Variants in ADAMTS10 observed in about 807,000 individuals in gnomAD.
ADAMTS10 encodes the protein ADAM metallopeptidase with thrombospondin type 1 motif 10.
Under a neutral mutation model 135.9 loss-of-function variants are expected in ADAMTS10, and 48 were observed. That is an observed-to-expected ratio of 0.35 (90% CI 0.28 to 0.45). The LOEUF is 0.45. Ranked by LOEUF, ADAMTS10 falls within the 20% of genes least tolerant of loss-of-function variation. The pLI is 1.00. For synonymous variants in ADAMTS10, 621 were observed against 647.5 expected, an observed-to-expected ratio of 0.96 and a Z score of 0.62; for missense variants, 1,131 against 1,565.2, an observed-to-expected ratio of 0.72 and a Z score of 4.68.
At chr19:8,586,029 A>G in intron 22 of ADAMTS10, 93 bp downstream of exon 22, 2 of 1,591,474 alleles carry the variant, frequency 1.3e-6, no homozygotes, top group African/African-American at 1.3e-5. Flanking sequence ...ACTCTGCACT[A>G]ATCTGCTCCC....
chr19:8,586,962 C>A, intron 18 of ADAMTS10, 66 bp from the exon 19 acceptor site: 1 of 1,539,184 alleles, frequency 6.5e-7, no homozygotes, highest in Non-Finnish European at 9.0e-7. Flanking sequence ...CTCCCCTGTC[C>A]CCGGCCCATG....
rs1256166371 is a variant in ADAMTS10, at chr19:8,589,599, C to G, written c.1901-14G>C. On this transcript the variant is annotated splice_polypyrimidine_tract_variant and intron_variant, in intron 16 of 25. Coordinates refer to ENST00000597188, the MANE Select transcript of ADAMTS10 (RefSeq NM_030957.4). ...CCTTCACGCCCCCTGGGGGGCACGG[C>G]CCCGTCACACCACGGGCCAGGCCAC... 7 of 1,613,170 alleles carry G rather than the reference C, an allele frequency of 4.3e-6. No individual in the cohort carries two copies. Among genetic ancestry groups the G allele is most frequent in the Middle Eastern group, 1.7e-4 (1 of 6,056 alleles).
intron 2 of ADAMTS10, among the ~76,000 whole-genome samples, chr19:8,607,142 C>G (rs940250366): frequency 6.6e-6 from 1 of 152,120 alleles, no homozygotes; most frequent in East Asian, 1.9e-4. Context: ...CAGATTAGAG[C>G]TAAGGCTCCC....
chr19:8,595,701 C>A, intron 12 of ADAMTS10, 61 bp downstream of exon 12: 149 of 1,341,586 alleles, frequency 1.1e-4, no homozygotes, highest in Middle Eastern at 7.0e-4. Context: ...GTGGAGTTCC[C>A]TCCCCCAGCC....
Position 8,604,939 on chromosome 19 carries a change from C to T in ADAMTS10, c.435+73G>A, listed in dbSNP as rs1026503944. 15 of 1,453,008 alleles carry T rather than the reference C, an allele frequency of 1.0e-5. No homozygotes were observed. The African/African-American group carries it at 2.1e-4, about 21-fold the overall frequency. The allele number at this position is 1,453,008 out of a possible 1,614,324, so 90.0% of individuals were successfully genotyped here. ...CCCACTATCATTCCTTCTCTGCCCT[C>T]TATGTAGAAGTGTTTTTCTTAACTT... On this transcript the variant is annotated intron_variant, in intron 4 of 25. Coordinates refer to ENST00000597188, the MANE Select transcript of ADAMTS10 (RefSeq NM_030957.4).
Position 8,607,152 on chromosome 19 carries a change from C to A in ADAMTS10, c.-100+982G>T, listed in dbSNP as rs186874965. On this transcript the variant is annotated intron_variant, in intron 2 of 25. Transcript: ENST00000597188. ...CAAGCCAGATTAGAGCTAAGGCTCC[C>A]ACCCATGCATCTACTGTCCTGGGCC... Among the ~76,000 whole-genome samples the A allele has an allele frequency of 9.2e-4, 140 of 152,256 alleles. 1 individual carries two copies. The highest frequency in any genetic ancestry group is 1.4e-3 in the Non-Finnish European group (98 of 68,022).
rs782512519 is a variant in ADAMTS10 at position 8,600,922 on chromosome 19, A to C, written c.810+6T>G. On this transcript the variant is annotated splice_donor_region_variant and intron_variant, in intron 6 of 25. Transcript: ENST00000597188. ...GCTGCGTGCCCAGGGAGGGGAAGGC[A>C]CTTACAATGTTCATGATGGCCAGGA... 1 of 1,614,074 alleles carries C rather than the reference A, an allele frequency of 6.2e-7. No individual in the cohort carries two copies.
chr19:8,586,213 C>T lies in ADAMTS10; in HGVS notation c.2569G>A (p.Asp857Asn). The change falls in exon 22 of 26, where the codon GAC becomes AAC. Residue 857 changes from aspartate (D) to asparagine (N), a missense_variant. Physicochemically the swap from Asp to Asn is conservative, Grantham distance 23. Coordinates refer to ENST00000597188, the MANE Select transcript of ADAMTS10 (RefSeq NM_030957.4). ...VQAVECRNQLDSSAVAPHYCS... is the reference protein window; with the variant it reads ...VQAVECRNQLNSSAVAPHYCS... Reference sequence around the variant, plus strand: ...TAGTGGGGGGCGACCGCGGAGCTGTCCAGCTGGTTGCGGCACTCCACCGCC... The same window carrying T: ...TAGTGGGGGGCGACCGCGGAGCTGTTCAGCTGGTTGCGGCACTCCACCGCC... The T allele has an allele frequency of 1.9e-6, 3 of 1,613,022 alleles. No homozygotes were observed. Among genetic ancestry groups the T allele is most frequent in the Non-Finnish European group, 2.5e-6 (3 of 1,179,924 alleles).
chr19:8,592,960 C>G, intron 12 of ADAMTS10, 90 bp from the exon 13 acceptor site: 1 of 1,213,230 alleles, frequency 8.2e-7, no homozygotes, highest in Non-Finnish European at 1.2e-6. Flanking sequence ...ATGTCCGGCT[C>G]ACTGCCGGTC....
intron 2 of ADAMTS10, among the ~76,000 whole-genome samples, chr19:8,607,846 C>G (rs1182595553): frequency 2.0e-5 from 3 of 151,028 alleles, no homozygotes; most frequent in Non-Finnish European, 3.0e-5. Context: ...GAGTCTCACT[C>G]TGTCGCCAGG....
Position 8,580,942 on chromosome 19 carries a change from C to T in ADAMTS10, c.3263G>A (p.Ser1088Asn), listed in dbSNP as rs1227068531. 8 of 1,613,380 alleles carry T rather than the reference C, an allele frequency of 5.0e-6. No homozygotes were observed. The highest frequency in any genetic ancestry group is 6.8e-6 in the Non-Finnish European group (8 of 1,179,832). Reference protein sequence around the residue: ...CPLVLKFQFCSRAYFRQMCCK... With the variant: ...CPLVLKFQFCNRAYFRQMCCK... ...GCACATCTGGCGGAAGTAGGCTCGG[C>T]TGCAGAACTGAAATTTGAGCACCAG... The change falls in exon 26 of 26, where the codon AGC (serine) becomes AAC (asparagine). Residue 1088 changes from serine (S) to asparagine (N), a missense_variant. Coordinates refer to ENST00000597188, the MANE Select transcript of ADAMTS10 (RefSeq NM_030957.4).
chr19:8,581,129 ACTTTTTTTTTTT>A, intron 25 of ADAMTS10, 127 bp from the exon 26 acceptor site: 1 of 126,900 alleles, frequency 7.9e-6, no homozygotes, highest in Non-Finnish European at 1.3e-5. Flanking sequence ...TTTTAAATTT[ACTTTTTTTTTTT>A]TTTTTTTTTT....
chr19:8,595,610 G>GTTC (rs1555739923), intron 12 of ADAMTS10, 152 bp downstream of exon 12: 2 of 1,232,580 alleles, frequency 1.6e-6, no homozygotes, highest in East Asian at 4.9e-5. Context: ...ATGCACCTCT[G>GTTC]TCCTCCCAGG....
chr19:8,607,340 C>T (rs984700044), intron 2 of ADAMTS10, among the ~76,000 whole-genome samples: 4 of 152,146 alleles, frequency 2.6e-5, no homozygotes, highest in Non-Finnish European at 4.4e-5. Context: ...ACTCCCACCT[C>T]CCAGGCCTCT....
rs1555736750 is a variant in ADAMTS10, at chr19:8,585,428, G to C, written c.2865+28C>G. On this transcript the variant is annotated intron_variant, in intron 23 of 25. Coordinates refer to ENST00000597188, the MANE Select transcript of ADAMTS10 (RefSeq NM_030957.4). ...GTGGACACCCCACCTGGGCATCCCA[G>C]TGGGCGCGAAGGAAGGGGGCGGCTG... The C allele has an allele frequency of 1.0e-5, 16 of 1,537,548 alleles. No individual in the cohort carries two copies. The South Asian group carries it at 1.7e-4, about 16-fold the overall frequency.
chr19:8,596,928 T>C lies in ADAMTS10; in HGVS notation c.1040+59A>G, dbSNP rs916918984. The stretch of plus-strand genomic sequence containing the variant: ...GAAGTGATCTCTGTTTGGACTCTCA[T>C]GGTTCCCTGGACCATCTGTTTTCTC... On this transcript the variant is annotated intron_variant, in intron 8 of 25. Coordinates refer to ENST00000597188, the MANE Select transcript of ADAMTS10 (RefSeq NM_030957.4). The surrounding 1 kb of genome is among the most constrained non-coding windows in gnomAD (Gnocchi z 7.2). 4.4e-6 allele frequency: 7 copies of C among 1,603,346 alleles called. No homozygotes were observed. Among genetic ancestry groups the C allele is most frequent in the African/African-American group, 4.0e-5 (3 of 74,874 alleles).
intron 18 of ADAMTS10, among the ~76,000 whole-genome samples, chr19:8,587,332 C>CTTTTT (rs1568394348): frequency 1.1e-5 from 1 of 92,494 alleles, no homozygotes; most frequent in Non-Finnish European, 2.2e-5. Flanking sequence ...AACTAAAAAA[C>CTTTTT]CTTTTTTTTT....
At chr19:8,581,749 T>G (rs1003166699) in intron 25 of ADAMTS10, among the ~76,000 whole-genome samples, 21 of 151,166 alleles carry the variant, frequency 1.4e-4, no homozygotes, top group Non-Finnish European at 2.2e-4. Context: ...GCAGGAGAAT[T>G]GCCTGAACCC....
rs1049993534 is a variant in ADAMTS10, at chr19:8,580,329, T to C, written c.*564A>G. 6.3e-6 allele frequency: 1 copy of C among 159,382 alleles called. No individual in the cohort carries two copies. The highest frequency in any genetic ancestry group is 1.6e-4 in the South Asian group (1 of 6,206). The allele number at this position is 159,382 out of a possible 1,614,324, so 9.9% of individuals were successfully genotyped here. On this transcript the variant is annotated 3_prime_UTR_variant, in exon 26 of 26. Transcript: ENST00000597188. Reference sequence around the variant, plus strand: ...CCCCAGGGCAGGGTCTGTAGCACCATGAGGGGGTGGCCTGGATGTCGGGGT... The same window carrying C: ...CCCCAGGGCAGGGTCTGTAGCACCACGAGGGGGTGGCCTGGATGTCGGGGT...
Sources: gnomAD v4.1 joint callset for allele counts (sites outside exome capture counted in the v4.1 genomes callset) on GRCh38, gnomAD v4.1.1 for gene constraint, Gnocchi (gnomAD v3.1) non-coding constraint, MANE v1.5 for transcripts, NCBI Gene and HGNC (gene_info 2026-07-23, HGNC 2026-07-21) for gene names.